NFIC: variants seen among roughly 807,000 people sequenced by gnomAD.
NFIC encodes nuclear factor 1 C-type.
Under a neutral mutation model 54.4 loss-of-function variants are expected in NFIC, and 12 were observed. That is an observed-to-expected ratio of 0.22 (90% confidence interval 0.14 to 0.36). NFIC has a LOEUF of 0.36. Ranked by LOEUF, NFIC falls within the 10% of genes least tolerant of loss-of-function variation. The pLI, the probability that NFIC is intolerant of heterozygous loss-of-function variation, is 1.00. For synonymous variants in NFIC, 322 were observed against 319.2 expected, an observed-to-expected ratio of 1.01 and a Z score of -0.09; for missense variants, 575 against 718.2, an observed-to-expected ratio of 0.80 and a Z score of 2.28.
chr19:3,461,967 T>C lies in NFIC; in HGVS notation c.1510-785T>C, dbSNP rs112807485. Among the ~76,000 whole-genome samples, 74 of 151,538 alleles carry C rather than the reference T, an allele frequency of 4.9e-4. 1 individual carries two copies. The highest frequency in any genetic ancestry group is 1.8e-3 in the African/African-American group (73 of 41,318). On this transcript the variant is annotated intron_variant, in intron 10 of 10. Coordinates refer to ENST00000443272, the MANE Select transcript of NFIC (RefSeq NM_001245002.2). ...TACTCGGGAGGCTGAGGCAGGAGAA[T>C]CACTTGAACCTGGGAGGCAGAGGTT...
chr19:3,366,593 G>A lies in NFIC; in HGVS notation c.-44G>A. ...TTGGAAAAATGACTCAGTAAGTTCA[G>A]CGCGCCCGCTCCGGCCGGCCCTGCG... On this transcript the variant is annotated 5_prime_UTR_variant, in exon 1 of 11. Transcript: ENST00000443272. 6 of 1,323,256 alleles carry A rather than the reference G, an allele frequency of 4.5e-6. No homozygotes were observed. The highest frequency in any genetic ancestry group is 6.2e-6 in the Non-Finnish European group (6 of 974,164). The allele number at this position is 1,323,256 out of a possible 1,614,324, so 82.0% of individuals were successfully genotyped here. A position where few individuals can be genotyped will look rare whatever the true frequency, so the allele number is the denominator to read the frequency against.
chr19:3,361,872 C>G (rs575555690), upstream of NFIC, among the ~76,000 whole-genome samples: 3 of 152,280 alleles, frequency 2.0e-5, no homozygotes, highest in South Asian at 4.1e-4. Flanking sequence ...ACGACACTCC[C>G]TCACGGTGCC....
chr19:3,414,368 G>A (rs568644778), intron 2 of NFIC, among the ~76,000 whole-genome samples: 13 of 151,960 alleles, frequency 8.6e-5, no homozygotes, highest in Non-Finnish European at 1.8e-4. Context: ...AGTCCGAGGC[G>A]GACGGATCAC....
chr19:3,422,062 G>C (rs934635992), intron 2 of NFIC, among the ~76,000 whole-genome samples: 3 of 151,986 alleles, frequency 2.0e-5, no homozygotes, highest in Non-Finnish European at 4.4e-5. Flanking sequence ...TCAGCCTCCC[G>C]AGTAGCTGGG....
intron 10 of NFIC, 107 bp from the exon 11 acceptor site, chr19:3,462,645 G>A (rs980912603): frequency 1.6e-6 from 2 of 1,259,274 alleles, no homozygotes; most frequent in South Asian, 1.2e-5. Context: ...TGCAGGAGGT[G>A]GGGGGTGAGC....
In NFIC at chr19:3,463,655, C is replaced by T; in HGVS notation, c.*886C>T. On this transcript the variant is annotated 3_prime_UTR_variant, in exon 11 of 11. Coordinates refer to ENST00000443272, the MANE Select transcript of NFIC (RefSeq NM_001245002.2). ...CCCCCACCCCCGGCATAGGAGGCCC[C>T]CCCACCTCGCCCGGCTCACACCCCC... 1 of 975,002 alleles carries T rather than the reference C, an allele frequency of 1.0e-6. No individual in the cohort carries two copies. Among genetic ancestry groups the T allele is most frequent in the Non-Finnish European group, 1.2e-6 (1 of 822,126 alleles). 60.4% of individuals were successfully genotyped at this position (975,002 alleles called of 1,614,324 possible).
intron 6 of NFIC, 25 bp downstream of exon 6, chr19:3,435,232 C>G (rs1448788659): frequency 6.5e-7 from 1 of 1,544,792 alleles, no homozygotes; most frequent in African/African-American, 1.4e-5. Context: ...GGGGGCGGAG[C>G]CGGCCTTCCG....
chr19:3,426,083 T>C (rs180715575), intron 3 of NFIC, among the ~76,000 whole-genome samples: 1 of 151,780 alleles, frequency 6.6e-6, no homozygotes, highest in African/African-American at 2.4e-5. Flanking sequence ...TACAGGTGTG[T>C]GCCACCACGG....
rs959285679 is a variant in NFIC, at chr19:3,391,728, C to T, written c.562+9485C>T. On this transcript the variant is annotated intron_variant, in intron 2 of 10. Transcript: ENST00000443272. Reference sequence around the variant, plus strand: ...AGGAGAATCACTTGAACCCGGGAGGCGGAGGTTGCGGTGAGCTGAGATTGC... The same window carrying T: ...AGGAGAATCACTTGAACCCGGGAGGTGGAGGTTGCGGTGAGCTGAGATTGC... Among the ~76,000 whole-genome samples, 10 of 151,790 alleles carry T rather than the reference C, an allele frequency of 6.6e-5. No homozygotes were observed. The South Asian group carries it at 1.7e-3, about 25-fold the overall frequency.
chr19:3,460,232 C>A (rs1188334922), intron 10 of NFIC, among the ~76,000 whole-genome samples: 1 of 152,152 alleles, frequency 6.6e-6, no homozygotes, highest in Non-Finnish European at 1.5e-5. Context: ...CAGGATGGGC[C>A]CTGGACGCCC....
intron 7 of NFIC, among the ~76,000 whole-genome samples, chr19:3,451,234 A>G (rs2145680020): frequency 6.6e-6 from 1 of 152,284 alleles, no homozygotes; most frequent in South Asian, 2.1e-4. Flanking sequence ...TTTCTATGAA[A>G]TGTCCAGGAC....
intron 2 of NFIC, among the ~76,000 whole-genome samples, chr19:3,397,191 G>A (rs1449856380): frequency 2.6e-5 from 4 of 152,202 alleles, no homozygotes; most frequent in African/African-American, 7.2e-5. Context: ...GCATTTAACA[G>A]ATGGGGAAAC....
In NFIC at chr19:3,467,155, C is replaced by T. The variant is rs1450149477; in HGVS notation, c.*4386C>T. On this transcript the variant is annotated 3_prime_UTR_variant, in exon 11 of 11. Transcript: ENST00000443272. ...TGACATCTTCTCAAATCTTGTTCCACCCCCCTCTGGAAGCCCCCATCACCC... is the reference window on the plus strand; with the variant it reads ...TGACATCTTCTCAAATCTTGTTCCATCCCCCTCTGGAAGCCCCCATCACCC... 6.8e-6 allele frequency: 1 copy of T among 146,222 alleles called. No individual in the cohort carries two copies. Among genetic ancestry groups the T allele is most frequent in the East Asian group, 2.0e-4 (1 of 5,004 alleles). 9.1% of individuals were successfully genotyped at this position (146,222 alleles called of 1,614,324 possible).
intron 2 of NFIC, among the ~76,000 whole-genome samples, chr19:3,382,839 A>G (rs2081235821): frequency 6.6e-6 from 1 of 151,622 alleles, no homozygotes; most frequent in African/African-American, 2.4e-5. Context: ...GGAGGAGGCC[A>G]GTGCATGCAG....
rs2082005037 is a variant in NFIC at position 3,424,963 on chromosome 19, A to C, written c.563-143A>C. ...AGGGAAGGGCCCAAAGAGAGACCCC[A>C]GGGCCTGGGTGTGTTTTGGGGCCAC... is the stretch of plus-strand genomic sequence containing the variant. On this transcript the variant is annotated intron_variant, in intron 2 of 10. Transcript: ENST00000443272. The C allele has an allele frequency of 8.9e-6, 7 of 784,312 alleles. No individual in the cohort carries two copies. The Admixed American group carries it at 1.6e-4, about 18-fold the overall frequency. 48.6% of individuals were successfully genotyped at this position (784,312 alleles called of 1,614,324 possible). A position where few individuals can be genotyped will look rare whatever the true frequency, so the allele number is the denominator to read the frequency against.
rs570905507 is a variant in NFIC, at chr19:3,370,148, G to C, written c.30+3482G>C. On this transcript the variant is annotated intron_variant, in intron 1 of 10. Coordinates refer to ENST00000443272, the MANE Select transcript of NFIC (RefSeq NM_001245002.2). The surrounding 1 kb of genome is among the most constrained non-coding windows in gnomAD (Gnocchi z 5.2). ...GGAGCAGGGGGCCTGCAGCCCCTCA[G>C]TGCCGGGAGAGGGGCTAAGAGTCAG... Among the ~76,000 whole-genome samples the C allele has an allele frequency of 3.3e-5, 5 of 152,340 alleles. No homozygotes were observed. The East Asian group carries it at 5.8e-4, about 18-fold the overall frequency.
Position 3,462,949 on chromosome 19 carries a change from A to G in NFIC, c.*180A>G. 1 of 1,447,482 alleles carries G rather than the reference A, an allele frequency of 6.9e-7. No homozygotes were observed. The highest frequency in any genetic ancestry group is 9.0e-7 in the Non-Finnish European group (1 of 1,106,594). The allele number at this position is 1,447,482 out of a possible 1,614,324, so 89.7% of individuals were successfully genotyped here. On this transcript the variant is annotated 3_prime_UTR_variant, in exon 11 of 11. Coordinates refer to ENST00000443272, the MANE Select transcript of NFIC (RefSeq NM_001245002.2). ...GCACACACTCAGGAGGAAAAGAAAA[A>G]ACAAAGGCAGAAGAAGAAGAAGAAG...
At chr19:3,429,985 TCTTGAGGTCTGTAAAATGCCAC>T (rs2082096136) in intron 3 of NFIC, among the ~76,000 whole-genome samples, 3 of 152,062 alleles carry the variant, frequency 2.0e-5, no homozygotes, top group Admixed American at 1.3e-4. Flanking sequence ...TCCAGTCTCA[TCTTGAGGTCTGTAAAATGCCAC>T]CATCTCGGTC....
intron 10 of NFIC, among the ~76,000 whole-genome samples, chr19:3,460,157 C>T (rs928438127): frequency 6.6e-6 from 1 of 152,228 alleles, no homozygotes; most frequent in Non-Finnish European, 1.5e-5. Context: ...TGAGAGTCAT[C>T]CTCAGCCCCC....
Sources: allele counts gnomAD v4.1 joint callset (sites outside exome capture counted in the v4.1 genomes callset), GRCh38; gene constraint gnomAD v4.1.1; non-coding constraint Gnocchi (gnomAD v3.1); transcripts MANE v1.5; gene names NCBI Gene and HGNC (gene_info 2026-07-23, HGNC 2026-07-21).